SPIN1: variants seen among roughly 807,000 people sequenced by gnomAD.
SPIN1 encodes the protein spindlin-1.
A neutral mutation model predicts 26.0 loss-of-function variants in SPIN1; 3 were observed. The ratio of observed to expected loss-of-function variants is 0.12; its 90% CI spans 0.05 to 0.30. The LOEUF (loss-of-function observed/expected upper bound fraction) is 0.30. Among genes scored for constraint, SPIN1 ranks in the 10% least tolerant of loss-of-function variants. The probability of loss-of-function intolerance (pLI) is 1.00; values close to 1 mark genes in which losing one functional copy is unlikely to be tolerated. For missense variants in SPIN1, 126 were observed against 333.4 expected (o/e 0.38, Z 4.84); for synonymous variants, 101 against 116.5 (o/e 0.87, Z 0.86).
chr9:88,469,575 T>C (rs534068700), intron 5 of SPIN1, among the ~76,000 whole-genome samples: 2 of 149,812 alleles, frequency 1.3e-5, no homozygotes, highest in South Asian at 2.1e-4. Context: ...AGTGTAATGG[T>C]GTGGTCTTGG....
At chr9:88,401,420 C>A (rs1827184587) in intron 1 of SPIN1, among the ~76,000 whole-genome samples, 1 of 152,134 alleles carries the variant, frequency 6.6e-6, no homozygotes, top group Non-Finnish European at 1.5e-5. Context: ...GACCCACACT[C>A]CGCCTGCCTC....
intron 1 of SPIN1, among the ~76,000 whole-genome samples, chr9:88,423,677 A>G (rs1007671204): frequency 5.1e-4 from 77 of 151,462 alleles, no homozygotes; most frequent in African/African-American, 1.8e-3. Context: ...CGGTCCCCCA[A>G]AGTGCTGGGA....
intron 1 of SPIN1, among the ~76,000 whole-genome samples, chr9:88,404,929 AC>A (rs1350014904): frequency 2.6e-4 from 38 of 146,636 alleles, no homozygotes; most frequent in African/African-American, 8.8e-4. Flanking sequence ...AAAAAAAAAA[AC>A]AAAAAAAAAA....
chr9:88,451,491 G>A (rs78281380), intron 3 of SPIN1, among the ~76,000 whole-genome samples: 274 of 152,280 alleles, frequency 1.8e-3, no homozygotes, highest in Middle Eastern at 3.4e-3. Context: ...TGAAACTGGT[G>A]GATACACCTT....
At chr9:88,393,306 G>T (rs1477433408) in intron 1 of SPIN1, among the ~76,000 whole-genome samples, 1 of 151,384 alleles carries the variant, frequency 6.6e-6, no homozygotes, top group Non-Finnish European at 1.5e-5. Context: ...TTAAAACTAG[G>T]TTATATTTCT....
intron 1 of SPIN1, among the ~76,000 whole-genome samples, chr9:88,401,143 GCT>G (rs1827176969): frequency 6.6e-6 from 1 of 152,174 alleles, no homozygotes; most frequent in Admixed American, 6.5e-5. Flanking sequence ...AAATGCATGT[GCT>G]CTGTTGATCC....
At chr9:88,427,502 C>G (rs895598604) in intron 2 of SPIN1, among the ~76,000 whole-genome samples, 1 of 152,164 alleles carries the variant, frequency 6.6e-6, no homozygotes, top group Non-Finnish European at 1.5e-5. Context: ...TACTCAGAAT[C>G]CTAGCCGTTA....
At chr9:88,425,660 C>T (rs905977476) in intron 1 of SPIN1, among the ~76,000 whole-genome samples, 3 of 148,098 alleles carry the variant, frequency 2.0e-5, no homozygotes, top group Non-Finnish European at 4.4e-5. Context: ...GGCGACACAG[C>T]GAGACTCTGT....
intron 2 of SPIN1, among the ~76,000 whole-genome samples, chr9:88,447,367 A>T (rs1457513138): frequency 6.6e-6 from 1 of 152,128 alleles, no homozygotes; most frequent in Non-Finnish European, 1.5e-5. Flanking sequence ...ATGGAGTTAC[A>T]ATCTGCTACT....
intron 2 of SPIN1, 140 bp from the exon 3 acceptor site, chr9:88,448,801 G>T: frequency 1.6e-6 from 1 of 632,156 alleles, no homozygotes; most frequent in Non-Finnish European, 2.7e-6. Flanking sequence ...TAAACAAATG[G>T]CTTTCTTAAC....
chr9:88,447,629 G>C (rs73652564), intron 2 of SPIN1, among the ~76,000 whole-genome samples: 8,220 of 152,234 alleles, frequency 0.054, 714 homozygotes, highest in African/African-American at 0.18. Context: ...TCAGAATTAT[G>C]TGCAGATTTG....
chr9:88,475,443 C>G lies in SPIN1; in HGVS notation c.*166C>G. The G allele has an allele frequency of 3.5e-6, 2 of 574,488 alleles. No individual in the cohort carries two copies. Among genetic ancestry groups the G allele is most frequent in the South Asian group, 6.8e-5 (2 of 29,598 alleles). 35.6% of individuals were successfully genotyped at this position (574,488 alleles called of 1,614,324 possible). On this transcript the variant is annotated 3_prime_UTR_variant, in exon 6 of 6. Transcript: ENST00000375859. ...TCTGAATAGTACAGATTGATGTGAACACAAAGCATTTTGTGTAAGGAGAAC... is the reference window on the plus strand; with the variant it reads ...TCTGAATAGTACAGATTGATGTGAAGACAAAGCATTTTGTGTAAGGAGAAC...
rs532938901 is a variant in SPIN1 at position 88,469,286 on chromosome 9, G to A, written c.589+681G>A. ...CTCAGACGGCAGTGCTCTCTTTGCC[G>A]CTGCTCACCTCCTGCTGTGCGGCGT... On this transcript the variant is annotated intron_variant, in intron 5 of 5. Transcript: ENST00000375859. 3.9e-5 allele frequency among the ~76,000 whole-genome samples: 6 copies of A among 152,302 alleles called. No individual in the cohort carries two copies. The East Asian group carries it at 5.8e-4, about 15-fold the overall frequency.
At chr9:88,388,917 G>A (rs1826852257) in intron 1 of SPIN1, among the ~76,000 whole-genome samples, 1 of 151,082 alleles carries the variant, frequency 6.6e-6, no homozygotes, top group Non-Finnish European at 1.5e-5. Flanking sequence ...GGGCGGCGGC[G>A]CTGCGCAGTC....
rs1048440249 is a variant in SPIN1 at position 88,478,124 on chromosome 9, A to G, written c.*2847A>G. ...AGGTGATTTTCCAGTTGTAAATGTC[A>G]TGCAGCATTTGAAGGGACTGTGTTT... On this transcript the variant is annotated 3_prime_UTR_variant, in exon 6 of 6. Transcript: ENST00000375859. 6.6e-6 allele frequency: 1 copy of G among 152,338 alleles called. No homozygotes were observed. The highest frequency in any genetic ancestry group is 1.5e-5 in the Non-Finnish European group (1 of 68,036). 9.4% of individuals were successfully genotyped at this position (152,338 alleles called of 1,614,324 possible).
intron 2 of SPIN1, among the ~76,000 whole-genome samples, chr9:88,445,799 C>T (rs571591505): frequency 2.5e-4 from 38 of 152,014 alleles, no homozygotes; most frequent in Non-Finnish European, 4.9e-4. Context: ...TTGGCCTCTC[C>T]CAAAGTGCTG....
In SPIN1 at chr9:88,477,939, T is replaced by C. The variant is rs1828916734; in HGVS notation, c.*2662T>C. ...TTTGCATGCTCTATTCTAAGTAGAA[T>C]GTTCAATGTAACTGACTAAAATTGC... On this transcript the variant is annotated 3_prime_UTR_variant, in exon 6 of 6. Transcript: ENST00000375859. 2 of 152,220 alleles carry C rather than the reference T, an allele frequency of 1.3e-5. No homozygotes were observed. Among genetic ancestry groups the C allele is most frequent in the African/African-American group, 2.4e-5 (1 of 41,466 alleles). 9.4% of individuals were successfully genotyped at this position (152,220 alleles called of 1,614,324 possible).
At chr9:88,460,558 C>A (rs1215776897) in intron 3 of SPIN1, among the ~76,000 whole-genome samples, 1 of 152,164 alleles carries the variant, frequency 6.6e-6, no homozygotes, top group Non-Finnish European at 1.5e-5. Context: ...GGAGTGCTGT[C>A]TGTAAGCCAA....
intron 2 of SPIN1, among the ~76,000 whole-genome samples, chr9:88,442,387 T>C (rs1353551010): frequency 4.0e-5 from 6 of 149,270 alleles, no homozygotes; most frequent in Non-Finnish European, 8.8e-5. Context: ...GTGGTTTCTT[T>C]CAAGATGTTT....
Sources: gnomAD v4.1 joint callset for allele counts (sites outside exome capture counted in the v4.1 genomes callset) on GRCh38, gnomAD v4.1.1 for gene constraint, MANE v1.5 for transcripts, NCBI Gene and HGNC (gene_info 2026-07-23, HGNC 2026-07-21) for gene names.